DGKI: variants seen among roughly 807,000 people sequenced by gnomAD.
The protein encoded by DGKI is diacylglycerol kinase iota.
A neutral mutation model predicts 147.5 loss-of-function variants in DGKI; 55 were observed. That is an observed-to-expected ratio of 0.37 (90% CI 0.30 to 0.47). The LOEUF is 0.47. DGKI is among the 20% of genes least tolerant of loss of function. DGKI has a pLI of 1.00. For synonymous variants in DGKI, 469 were observed against 477.1 expected, an observed-to-expected ratio of 0.98 and a Z score of 0.22; for missense variants, 1,007 against 1,323.8, an observed-to-expected ratio of 0.76 and a Z score of 3.71.
At chr7:137,478,750 T>C (rs1815266442) in intron 23 of DGKI, among the ~76,000 whole-genome samples, 1 of 152,152 alleles carries the variant, frequency 6.6e-6, no homozygotes, top group African/African-American at 2.4e-5. Flanking sequence ...AGGGGGTGAA[T>C]ATTGGTTCCA....
intron 1 of DGKI, among the ~76,000 whole-genome samples, chr7:137,824,287 C>T (rs921778949): frequency 2.0e-5 from 3 of 152,086 alleles, no homozygotes; most frequent in Admixed American, 6.5e-5. Flanking sequence ...GAAGCCGAGG[C>T]GGGTGGATAA....
chr7:137,614,718 A>G (rs908472230), intron 8 of DGKI, among the ~76,000 whole-genome samples: 2 of 152,164 alleles, frequency 1.3e-5, no homozygotes, highest in African/African-American at 4.8e-5. Context: ...AAGGTTTCAC[A>G]GAGCTGCCAA....
intron 1 of DGKI, among the ~76,000 whole-genome samples, chr7:137,782,642 G>C (rs1796552702): frequency 6.6e-6 from 1 of 152,198 alleles, no homozygotes; most frequent in South Asian, 2.1e-4. Context: ...GACCGCAGCT[G>C]ATGCACTCTT....
chr7:137,530,308 GTT>G (rs1817295142), intron 20 of DGKI, among the ~76,000 whole-genome samples: 1 of 152,142 alleles, frequency 6.6e-6, no homozygotes, highest in Non-Finnish European at 1.5e-5. Context: ...TGCCAACTAA[GTT>G]ACCAGAAGCT....
At chr7:137,408,899 TTAAA>T (rs1812060623) in intron 29 of DGKI, among the ~76,000 whole-genome samples, 1 of 152,176 alleles carries the variant, frequency 6.6e-6, no homozygotes, top group Admixed American at 6.5e-5. Context: ...CAAATGAGAA[TTAAA>T]TAACCCAGCA....
At chr7:137,766,762 G>T (rs892295251) in intron 1 of DGKI, among the ~76,000 whole-genome samples, 2 of 152,166 alleles carry the variant, frequency 1.3e-5, no homozygotes, top group Non-Finnish European at 2.9e-5. Context: ...GGTGGTGCAT[G>T]GGTAAACGTG....
chr7:137,806,834 C>G (rs1463912213), intron 1 of DGKI, among the ~76,000 whole-genome samples: 1 of 152,166 alleles, frequency 6.6e-6, no homozygotes, highest in East Asian at 1.9e-4. Context: ...GCCAGTGACC[C>G]ACCAAAAAGT....
At chr7:137,814,059 C>A (rs1271234562) in intron 1 of DGKI, among the ~76,000 whole-genome samples, 3 of 152,094 alleles carry the variant, frequency 2.0e-5, no homozygotes, top group Non-Finnish European at 4.4e-5. Context: ...CTCTATCGAT[C>A]AATGGTTTGT....
At chr7:137,500,793 G>A (rs1013969512) in intron 21 of DGKI, among the ~76,000 whole-genome samples, 2 of 152,028 alleles carry the variant, frequency 1.3e-5, no homozygotes, top group Admixed American at 6.6e-5. Flanking sequence ...ATTTTGATAT[G>A]TGTATACAAT....
rs934470999 is a variant in DGKI, at chr7:137,390,346, C to T, written c.*874G>A. 2.0e-5 allele frequency: 3 copies of T among 152,658 alleles called. No individual in the cohort carries two copies. The highest frequency in any genetic ancestry group is 7.2e-5 in the African/African-American group (3 of 41,450). The allele number at this position is 152,658 out of a possible 1,614,324, so 9.5% of individuals were successfully genotyped here. ...AAAATTGAGTGGTTCTGCAAACTAG[C>T]TGTGGGCCTCTGTTTAATCCTTTGC... On this transcript the variant is annotated 3_prime_UTR_variant, in exon 33 of 33. Coordinates refer to ENST00000614521, the MANE Select transcript of DGKI (RefSeq NM_001321708.2).
intron 3 of DGKI, among the ~76,000 whole-genome samples, chr7:137,659,911 C>T (rs952994986): frequency 6.6e-5 from 10 of 152,244 alleles, no homozygotes; most frequent in East Asian, 3.9e-4. Context: ...CCAGCCTGGG[C>T]GACAGAGCGA....
At chr7:137,781,599 C>T (rs1000984666) in intron 1 of DGKI, among the ~76,000 whole-genome samples, 9 of 152,218 alleles carry the variant, frequency 5.9e-5, no homozygotes, top group African/African-American at 2.2e-4. Flanking sequence ...CCTTCCATGA[C>T]TGCAGGGCTG....
chr7:137,640,011 T>C (rs1158541790), intron 6 of DGKI, among the ~76,000 whole-genome samples: 1 of 152,012 alleles, frequency 6.6e-6, no homozygotes, highest in African/African-American at 2.4e-5. Context: ...ATTAGGTTTT[T>C]TTTTTTTTGG....
intron 28 of DGKI, among the ~76,000 whole-genome samples, chr7:137,437,466 G>A (rs1443928466): frequency 6.6e-6 from 1 of 152,118 alleles, no homozygotes; most frequent in South Asian, 2.1e-4. Flanking sequence ...CCTTCATGAA[G>A]GAAATTATAA....
intron 1 of DGKI, among the ~76,000 whole-genome samples, chr7:137,793,590 AGCCACT>A (rs962292800): frequency 5.9e-5 from 9 of 152,302 alleles, no homozygotes; most frequent in African/African-American, 2.2e-4. Context: ...TACAGGCTTG[AGCCACT>A]GCACCCGGCC....
At chr7:137,552,629 C>A (rs771783249) in intron 19 of DGKI, 61 bp from the exon 20 acceptor site, 4 of 1,564,412 alleles carry the variant, frequency 2.6e-6, no homozygotes, top group Middle Eastern at 1.9e-4. Context: ...AAGCTGGAGG[C>A]CAGGCGCTGT....
intron 29 of DGKI, among the ~76,000 whole-genome samples, chr7:137,410,875 C>T (rs1379314856): frequency 6.6e-6 from 1 of 152,200 alleles, no homozygotes; most frequent in Non-Finnish European, 1.5e-5. Context: ...CATCAATATA[C>T]TGCTTGGAGA....
chr7:137,581,009 A>T (rs1179377774), intron 15 of DGKI, among the ~76,000 whole-genome samples: 1 of 152,148 alleles, frequency 6.6e-6, no homozygotes, highest in Non-Finnish European at 1.5e-5. Flanking sequence ...ATGGATATAT[A>T]GTATAGCTAT....
intron 30 of DGKI, among the ~76,000 whole-genome samples, chr7:137,398,763 T>C (rs1172969981): frequency 6.6e-6 from 1 of 151,754 alleles, no homozygotes; most frequent in Admixed American, 6.6e-5. Flanking sequence ...TCTTGCAAAG[T>C]CTCTCCTATT....
Sources: gnomAD v4.1 joint callset for allele counts (sites outside exome capture counted in the v4.1 genomes callset) on GRCh38, gnomAD v4.1.1 for gene constraint, MANE v1.5 for transcripts, NCBI Gene and HGNC (gene_info 2026-07-23, HGNC 2026-07-21) for gene names.